Variants in MYCBP2 observed in about 807,000 individuals in gnomAD.
The protein encoded by MYCBP2 is MYC binding protein 2.
MYCBP2 carries 120 observed loss-of-function variants against 525.3 expected under a neutral mutation model. That is an observed-to-expected ratio of 0.23 (90% CI 0.20 to 0.27). MYCBP2 has a LOEUF of 0.27. Ranked by LOEUF, MYCBP2 falls within the 10% of genes least tolerant of loss-of-function variation. The probability of loss-of-function intolerance (pLI) is 1.00; values close to 1 mark genes in which losing one functional copy is unlikely to be tolerated. For synonymous variants in MYCBP2, 1,894 were observed against 1,955.8 expected (o/e 0.97, Z 0.83); for missense variants, 4,149 against 5,657.1 (o/e 0.73, Z 8.55).
chr13:77,131,092 C>T (rs1034486835), intron 52 of MYCBP2, among the ~76,000 whole-genome samples: 4 of 152,004 alleles, frequency 2.6e-5, no homozygotes, highest in Non-Finnish European at 4.4e-5. Flanking sequence ...TGCTTTTGTT[C>T]TGCAGTTGTA....
chr13:77,226,316 A>C (rs1336292152), intron 18 of MYCBP2, among the ~76,000 whole-genome samples: 1 of 152,144 alleles, frequency 6.6e-6, no homozygotes, highest in Non-Finnish European at 1.5e-5. Flanking sequence ...TCCAACTTTG[A>C]ATTTTCCAAC....
chr13:77,244,191 CA>C (rs1179111344), intron 15 of MYCBP2, among the ~76,000 whole-genome samples: 10 of 152,154 alleles, frequency 6.6e-5, no homozygotes, highest in Admixed American at 3.9e-4. Flanking sequence ...ACAGAAAATA[CA>C]CACAGATTCG....
At chr13:77,149,701 T>C (rs2056172329) in intron 47 of MYCBP2, among the ~76,000 whole-genome samples, 1 of 152,152 alleles carries the variant, frequency 6.6e-6, no homozygotes, top group Admixed American at 6.5e-5. Flanking sequence ...AACCAAAACC[T>C]GCCCCTCTTC....
In MYCBP2 at chr13:77,144,676, C is replaced by A; in HGVS notation, c.7188-116G>T. ...GCATACCTCCTGGCAATCCTACCAC[C>A]CTGCCATAGTACGCTTGCCTACTCT... On this transcript the variant is annotated intron_variant, in intron 48 of 82. Transcript: ENST00000544440. The A allele has an allele frequency of 4.1e-6, 3 of 733,148 alleles. 1 individual carries two copies. The highest frequency in any genetic ancestry group is 3.2e-5 in the South Asian group (2 of 62,980). 45.4% of individuals were successfully genotyped at this position (733,148 alleles called of 1,614,324 possible). A position where few individuals can be genotyped will look rare whatever the true frequency, so the allele number is the denominator to read the frequency against.
intron 37 of MYCBP2, 37 bp from the exon 38 acceptor site, chr13:77,171,671 G>T: frequency 6.2e-7 from 1 of 1,601,458 alleles, no homozygotes. Context: ...TTTTACAATG[G>T]TAAGTAAAAC....
At chr13:77,103,852 C>T (rs767809746) in intron 55 of MYCBP2, among the ~76,000 whole-genome samples, 5 of 151,958 alleles carry the variant, frequency 3.3e-5, no homozygotes, top group Non-Finnish European at 5.9e-5. Flanking sequence ...AACGTTAGTA[C>T]TAACCCCAGT....
At chr13:77,274,970 C>A (rs2075354375) in intron 4 of MYCBP2, among the ~76,000 whole-genome samples, 1 of 152,106 alleles carries the variant, frequency 6.6e-6, no homozygotes, top group Non-Finnish European at 1.5e-5. Flanking sequence ...TTCCTTCCCT[C>A]CATCCTTTCA....
At chr13:77,202,060 T>G (rs1239705969) in intron 26 of MYCBP2, among the ~76,000 whole-genome samples, 1 of 151,314 alleles carries the variant, frequency 6.6e-6, no homozygotes, top group Admixed American at 6.6e-5. Context: ...CTGAAGGAAA[T>G]AGAGACACAA....
chr13:77,055,747 T>C lies in MYCBP2; in HGVS notation c.13458A>G (p.Val4486=). The C allele has an allele frequency of 6.2e-7, 1 of 1,612,130 alleles. No individual in the cohort carries two copies. Among genetic ancestry groups the C allele is most frequent in the East Asian group, 2.2e-5 (1 of 44,846 alleles). ...TTATTGGATCAAGTAGGTCTTTTAG[T>C]ACTATGTGATTAATTTTGTTCTGCA... ...PICKNKINHI[V]LKDLLDPIKE... Residue 4486 remains valine (V), a synonymous_variant, in exon 80 of 83, where the codon GTA becomes GTG. Coordinates refer to ENST00000544440, the MANE Select transcript of MYCBP2 (RefSeq NM_015057.5).
chr13:77,205,986 C>G (rs1389929601), intron 24 of MYCBP2, among the ~76,000 whole-genome samples: 1 of 151,874 alleles, frequency 6.6e-6, no homozygotes, highest in Non-Finnish European at 1.5e-5. Flanking sequence ...ACAATAGAAA[C>G]CAAAATGAAA....
intron 65 of MYCBP2, chr13:77,080,405 T>C (rs778780563): frequency 2.0e-5 from 3 of 152,156 alleles, no homozygotes; most frequent in African/African-American, 4.8e-5. Context: ...GCCACATCCA[T>C]TCTGAGGAAA....
intron 34 of MYCBP2, among the ~76,000 whole-genome samples, chr13:77,178,735 T>C (rs1056895634): frequency 6.6e-6 from 1 of 152,166 alleles, no homozygotes; most frequent in Non-Finnish European, 1.5e-5. Context: ...GAGAAAGAAA[T>C]ATTCATCTCT....
intron 44 of MYCBP2, among the ~76,000 whole-genome samples, chr13:77,159,214 A>G (rs2057574337): frequency 6.6e-6 from 1 of 152,234 alleles, no homozygotes; most frequent in South Asian, 2.1e-4. Context: ...AATCTGTAAA[A>G]TGTATAAACT....
At chr13:77,174,931 A>AAT (rs1349574235) in intron 36 of MYCBP2, among the ~76,000 whole-genome samples, 2 of 3,408 alleles carry the variant, frequency 5.9e-4, no homozygotes, top group Non-Finnish European at 3.1e-3. Context: ...ATATATATAT[A>AAT]ATATATATAT....
chr13:77,278,715 T>C (rs755261413), intron 4 of MYCBP2, 43 bp downstream of exon 4: 2 of 1,421,146 alleles, frequency 1.4e-6, no homozygotes, highest in East Asian at 2.6e-5. Context: ...TTATTAATTA[T>C]ATTCACTTTT....
intron 46 of MYCBP2, among the ~76,000 whole-genome samples, chr13:77,152,789 G>C (rs1429667533): frequency 6.6e-6 from 1 of 152,122 alleles, no homozygotes; most frequent in African/African-American, 2.4e-5. Flanking sequence ...GCCGTGGCTG[G>C]GCGCGGTGGC....
chr13:77,283,935 A>C (rs936058479), intron 3 of MYCBP2, among the ~76,000 whole-genome samples: 3 of 152,196 alleles, frequency 2.0e-5, no homozygotes, highest in Non-Finnish European at 4.4e-5. Flanking sequence ...AAAATTATGT[A>C]GCTATAAAAT....
chr13:77,211,417 A>T, intron 22 of MYCBP2, 97 bp from the exon 23 acceptor site: 3 of 584,820 alleles, frequency 5.1e-6, no homozygotes, highest in Non-Finnish European at 4.8e-6. Flanking sequence ...TCTCAGGTGA[A>T]TAAGCAGAGA....
At chr13:77,138,265 T>C (rs1041852859) in intron 52 of MYCBP2, among the ~76,000 whole-genome samples, 4 of 152,168 alleles carry the variant, frequency 2.6e-5, no homozygotes, top group Non-Finnish European at 4.4e-5. Flanking sequence ...TAAAAAAGAA[T>C]GAGATCAATA....
Sources: allele counts gnomAD v4.1 joint callset (sites outside exome capture counted in the v4.1 genomes callset), GRCh38; gene constraint gnomAD v4.1.1; transcripts MANE v1.5; gene names NCBI Gene and HGNC (gene_info 2026-07-23, HGNC 2026-07-21).